AGBL1: variants seen among roughly 807,000 people sequenced by gnomAD.
AGBL1 encodes cytosolic carboxypeptidase 4.
AGBL1 carries 130 observed loss-of-function variants against 118.9 expected under a neutral mutation model. The ratio of observed to expected loss-of-function variants is 1.09; its 90% CI spans 0.95 to 1.26. AGBL1 has a LOEUF of 1.26. Ranked by LOEUF, AGBL1 falls within the 50% of genes most tolerant of loss-of-function variation. The pLI is 0.00. For missense variants in AGBL1, 1,584 were observed against 1,298.1 expected, an observed-to-expected ratio of 1.22 and a Z score of -3.38; for synonymous variants, 555 against 478.9, an observed-to-expected ratio of 1.16 and a Z score of -2.08.
intron 22 of AGBL1, among the ~76,000 whole-genome samples, chr15:86,884,102 C>T (rs1444620647): frequency 1.3e-5 from 2 of 152,154 alleles, no homozygotes; most frequent in African/African-American, 4.8e-5. Context: ...GAACTTTCAC[C>T]TTTTGACCTT....
intron 4 of AGBL1, 145 bp downstream of exon 4, chr15:86,154,706 A>G: frequency 9.2e-7 from 1 of 1,084,832 alleles, no homozygotes; most frequent in South Asian, 2.0e-5. Context: ...AGAGACTGAC[A>G]ATCCAGAGGC....
chr15:86,152,616 A>G (rs920250455), intron 3 of AGBL1, among the ~76,000 whole-genome samples: 1 of 152,220 alleles, frequency 6.6e-6, no homozygotes, highest in Non-Finnish European at 1.5e-5. Context: ...CAAGGACTTC[A>G]TGACTAAAAC....
At chr15:86,871,440 C>T (rs1430321000) in intron 22 of AGBL1, among the ~76,000 whole-genome samples, 9 of 152,156 alleles carry the variant, frequency 5.9e-5, no homozygotes, top group Admixed American at 5.9e-4. Flanking sequence ...ATCATTAGAT[C>T]TCTATAGACT....
intron 22 of AGBL1, among the ~76,000 whole-genome samples, chr15:86,859,222 C>T (rs2079526971): frequency 6.6e-6 from 1 of 152,200 alleles, no homozygotes; most frequent in South Asian, 2.1e-4. Flanking sequence ...TCCAGCACAA[C>T]TGATCACCCT....
intron 21 of AGBL1, among the ~76,000 whole-genome samples, chr15:86,598,599 G>A (rs4887239): frequency 0.86 from 130,187 of 151,876 alleles, 56,818 homozygotes; most frequent in East Asian, 0.99. Context: ...CAGAAGTAGT[G>A]TCCTTAATGA....
At chr15:86,321,367 GAC>G (rs2080102533) in intron 17 of AGBL1, among the ~76,000 whole-genome samples, 1 of 151,556 alleles carries the variant, frequency 6.6e-6, no homozygotes, top group Non-Finnish European at 1.5e-5. Flanking sequence ...TATTTAATCT[GAC>G]TTTTAACCTT....
At chr15:86,503,272 G>T (rs766603354) in intron 18 of AGBL1, among the ~76,000 whole-genome samples, 6 of 151,302 alleles carry the variant, frequency 4.0e-5, no homozygotes, top group Non-Finnish European at 7.4e-5. Context: ...CCTCAGTAAG[G>T]TCATTAGTAA....
intron 22 of AGBL1, among the ~76,000 whole-genome samples, chr15:86,847,280 T>C (rs2079333564): frequency 1.3e-5 from 2 of 152,226 alleles, no homozygotes; most frequent in African/African-American, 2.4e-5. Flanking sequence ...AATCACTGCT[T>C]GTTCTTTCAC....
At chr15:87,030,123 G>A (rs552505943), downstream of AGBL1, among the ~76,000 whole-genome samples, 73 of 152,084 alleles carry the variant, frequency 4.8e-4, no homozygotes, top group African/African-American at 1.7e-3. Flanking sequence ...ATACTGAACA[G>A]CTCATTTGTG....
chr15:86,307,665 G>T (rs1333380233), intron 17 of AGBL1, among the ~76,000 whole-genome samples: 2 of 152,026 alleles, frequency 1.3e-5, no homozygotes, highest in Admixed American at 6.6e-5. Context: ...CATTTGAGAG[G>T]CTGAGGTGGG....
At chr15:86,650,253 G>T (rs1209515938) in intron 21 of AGBL1, among the ~76,000 whole-genome samples, 1 of 152,128 alleles carries the variant, frequency 6.6e-6, no homozygotes, top group African/African-American at 2.4e-5. Flanking sequence ...AAGTTTGCCA[G>T]CTTCCTTATT....
intron 22 of AGBL1, among the ~76,000 whole-genome samples, chr15:86,745,451 C>A (rs1252076520): frequency 1.3e-5 from 2 of 151,944 alleles, no homozygotes. Context: ...GAAAAGTTGT[C>A]AGTAAATGGT....
intron 22 of AGBL1, among the ~76,000 whole-genome samples, chr15:86,824,344 T>G (rs2078979371): frequency 6.6e-6 from 1 of 152,040 alleles, no homozygotes; most frequent in East Asian, 1.9e-4. Flanking sequence ...TATAATTGCT[T>G]CAAAGAAAAT....
intron 22 of AGBL1, among the ~76,000 whole-genome samples, chr15:86,684,681 A>C (rs2086023386): frequency 6.6e-6 from 1 of 152,116 alleles, no homozygotes; most frequent in African/African-American, 2.4e-5. Context: ...ATTCTGATTC[A>C]AAGTATTTCT....
intron 5 of AGBL1, among the ~76,000 whole-genome samples, chr15:86,219,945 C>CTTTTTTTTTTT (rs68023928): frequency 1.2e-5 from 1 of 85,772 alleles, no homozygotes; most frequent in Non-Finnish European, 2.2e-5. Flanking sequence ...AATGCTGCCT[C>CTTTTTTTTTTT]TTTTTTTTTT....
At chr15:86,268,591 C>T (rs2079108816) in intron 13 of AGBL1, among the ~76,000 whole-genome samples, 1 of 152,076 alleles carries the variant, frequency 6.6e-6, no homozygotes, top group African/African-American at 2.4e-5. Flanking sequence ...CAGAAACAAA[C>T]CTACTTATGG....
chr15:86,092,177 TA>T (rs1896075373), intron 1 of AGBL1, among the ~76,000 whole-genome samples: 1 of 152,066 alleles, frequency 6.6e-6, no homozygotes, highest in Non-Finnish European at 1.5e-5. Flanking sequence ...TCCAGAAAAT[TA>T]AAAACTCTCC....
chr15:86,732,840 G>C (rs1328851539), intron 22 of AGBL1, among the ~76,000 whole-genome samples: 1 of 151,122 alleles, frequency 6.6e-6, no homozygotes, highest in Admixed American at 6.6e-5. Flanking sequence ...ATATATTAGG[G>C]TTCTCTAGAG....
rs529598893 is a variant in AGBL1, at chr15:86,185,528, T to C, written c.488+26502T>C. Among the ~76,000 whole-genome samples, 5 of 152,244 alleles carry C rather than the reference T, an allele frequency of 3.3e-5. No individual in the cohort carries two copies. In the East Asian group the frequency reaches 7.7e-4, roughly 24 times the overall value. On this transcript the variant is annotated intron_variant, in intron 5 of 22. Coordinates refer to ENST00000614907, the MANE Select transcript of AGBL1 (RefSeq NM_001386094.1). ...ACCCAAATGTCCATCAATGATAGAC[T>C]GGATTAAGAAAACGTGGGACATATA...
Sources: allele counts gnomAD v4.1 joint callset (sites outside exome capture counted in the v4.1 genomes callset), GRCh38; gene constraint gnomAD v4.1.1; transcripts MANE v1.5; gene names NCBI Gene and HGNC (gene_info 2026-07-23, HGNC 2026-07-21).